C14orf180: variants seen among roughly 807,000 people sequenced by gnomAD.
C14orf180 encodes chromosome 14 open reading frame 180.
Under a neutral mutation model 13.9 loss-of-function variants are expected in C14orf180, and 13 were observed. The ratio of observed to expected loss-of-function variants is 0.94; its 90% confidence interval spans 0.61 to 1.49. The LOEUF (loss-of-function observed/expected upper bound fraction) is 1.49. Among genes scored for constraint, C14orf180 ranks in the 40% most tolerant of loss-of-function variants. C14orf180 has a pLI of 0.00. For missense variants in C14orf180, 238 were observed against 232.0 expected (o/e 1.03, Z -0.17); for synonymous variants, 113 against 106.3 (o/e 1.06, Z -0.39).
At position 104,588,713 on chromosome 14, in the gene C14orf180, G is replaced by T. The variant is rs367860749; in HGVS notation, c.413G>T (p.Arg138Leu). ...ACGGCACTGGAGGACCTGCGGGCCC[G>T]GCTCCTCGGCCTTGTCCTGCACCTG... ...VATALEDLRA[R>L]LLGLVLHLRH... The change falls in exon 5 of 5, where the codon CGG becomes CTG. Residue 138 changes from arginine to leucine, a missense_variant. By Grantham distance (102) the Arg-to-Leu change is moderately radical (BLOSUM62 -2). Transcript: ENST00000557649. The T allele has an allele frequency of 4.2e-4, 646 of 1,535,636 alleles. 4 individuals are homozygous for T. In the South Asian group the frequency reaches 7.1e-3, roughly 17 times the overall value.
At chr14:104,584,951 G>T (rs1317959079) in intron 1 of C14orf180, among the ~76,000 whole-genome samples, 4 of 152,152 alleles carry the variant, frequency 2.6e-5, no homozygotes, top group Non-Finnish European at 5.9e-5. Flanking sequence ...AGTCACTGCA[G>T]TATCCACCCA....
chr14:104,586,541 G>T lies in C14orf180; in HGVS notation c.111G>T (p.Arg37Ser). Residue 37 changes from arginine (R) to serine (S), a missense_variant and splice_region_variant, in exon 2 of 5, where the codon AGG becomes AGT. Physicochemically the swap from Arg to Ser is moderately radical, Grantham distance 110 (BLOSUM62 -1). Coordinates refer to ENST00000557649, the MANE Select transcript of C14orf180 (RefSeq NM_001008404.3). Reference protein sequence around the residue: ...AWGPRVCRAEREDNRKCPPSI... With the variant: ...AWGPRVCRAESEDNRKCPPSI... ...GCCCGCGGGTGTGCAGGGCAGAGAGGGTAAGGCGGGCCGCTGGGACACAGC... is the reference window on the plus strand; with the variant it reads ...GCCCGCGGGTGTGCAGGGCAGAGAGTGTAAGGCGGGCCGCTGGGACACAGC... 6.6e-7 allele frequency: 1 copy of T among 1,521,820 alleles called. No homozygotes were observed. The highest frequency in any genetic ancestry group is 1.2e-5 in the South Asian group (1 of 80,346). 94.3% of individuals were successfully genotyped at this position (1,521,820 alleles called of 1,614,324 possible). A position where few individuals can be genotyped will look rare whatever the true frequency, so the allele number is the denominator to read the frequency against.
chr14:104,582,716 C>T (rs577766938), intron 1 of C14orf180, among the ~76,000 whole-genome samples: 6 of 152,346 alleles, frequency 3.9e-5, no homozygotes, highest in South Asian at 4.1e-4. Flanking sequence ...CCAAGGGAGG[C>T]GCCATGGGGT....
rs962955672 is a variant in C14orf180 at position 104,588,862 on chromosome 14, G to C, written c.*79G>C. ...GGGCTCCGAGACAGCCTGAGCCCTGGCCCTGCTGCTTGGTGAATCATGGGG... is the reference window on the plus strand; with the variant it reads ...GGGCTCCGAGACAGCCTGAGCCCTGCCCCTGCTGCTTGGTGAATCATGGGG... On this transcript the variant is annotated 3_prime_UTR_variant, in exon 5 of 5. Coordinates refer to ENST00000557649, the MANE Select transcript of C14orf180 (RefSeq NM_001008404.3). The C allele has an allele frequency of 8.0e-6, 12 of 1,499,698 alleles. No individual in the cohort carries two copies. The highest frequency in any genetic ancestry group is 9.8e-6 in the Non-Finnish European group (11 of 1,125,104). 92.9% of individuals were successfully genotyped at this position (1,499,698 alleles called of 1,614,324 possible). A position where few individuals can be genotyped will look rare whatever the true frequency, so the allele number is the denominator to read the frequency against.
chr14:104,588,640 C>A lies in C14orf180; in HGVS notation c.340C>A (p.Leu114Ile). The change falls in exon 5 of 5, where the codon CTC becomes ATC. Residue 114 changes from leucine (L) to isoleucine (I), a missense_variant. Physicochemically the swap from Leu to Ile is conservative, Grantham distance 5. Coordinates refer to ENST00000557649, the MANE Select transcript of C14orf180 (RefSeq NM_001008404.3). Reference protein sequence around the residue: ...LLLQLCVCVLLVLALGLYCGR... With the variant: ...LLLQLCVCVLIVLALGLYCGR... ...CCTGCAGCTGTGTGTGTGCGTCCTG[C>A]TCGTGCTGGCCCTGGGCCTATACTG... 2 of 1,521,122 alleles carry A rather than the reference C, an allele frequency of 1.3e-6. No individual in the cohort carries two copies. Among genetic ancestry groups the A allele is most frequent in the Non-Finnish European group, 1.8e-6 (2 of 1,137,450 alleles). 94.2% of individuals were successfully genotyped at this position (1,521,122 alleles called of 1,614,324 possible). A position where few individuals can be genotyped will look rare whatever the true frequency, so the allele number is the denominator to read the frequency against.
In C14orf180 at chr14:104,586,528, G is replaced by A. The variant is rs540212642; in HGVS notation, c.98G>A (p.Cys33Tyr). The A allele has an allele frequency of 4.9e-5, 76 of 1,542,102 alleles. 1 individual carries two copies. In the South Asian group the frequency reaches 7.3e-4, roughly 15 times the overall value. Residue 33 changes from cysteine to tyrosine, a missense_variant, in exon 2 of 5, where the codon TGC becomes TAC. By Grantham distance (194) the Cys-to-Tyr change is radical. Transcript: ENST00000557649. ...GAGGCCGCGTGGGGCCCGCGGGTGT[G>A]CAGGGCAGAGAGGGTAAGGCGGGCC... ...NEEAAWGPRV[C>Y]RAEREDNRKC...
chr14:104,587,229 G>A (rs1049248541), intron 2 of C14orf180, among the ~76,000 whole-genome samples: 1 of 152,206 alleles, frequency 6.6e-6, no homozygotes, highest in Non-Finnish European at 1.5e-5. Context: ...CAGACCAGCA[G>A]AGAAAGGGCC....
chr14:104,587,970 G>A (rs1490893351), intron 3 of C14orf180, 92 bp downstream of exon 3: 20 of 1,453,090 alleles, frequency 1.4e-5, no homozygotes, highest in Non-Finnish European at 1.8e-5. Context: ...GCTCTGGCAG[G>A]GCCCAGGACA....
In C14orf180 at chr14:104,588,310, G is replaced by T; in HGVS notation, c.277+1G>T. The T allele has an allele frequency of 6.2e-7, 1 of 1,613,968 alleles. No individual in the cohort carries two copies. ...AAGAACGCCACAGCCACTGTCAGGG[G>T]TGAGTTCTGAGCCCACATCCCTGTG... On this transcript the variant is annotated splice_donor_variant, in intron 4 of 4. Coordinates refer to ENST00000557649, the MANE Select transcript of C14orf180 (RefSeq NM_001008404.3). LOFTEE classifies it high-confidence loss of function.
intron 1 of C14orf180, among the ~76,000 whole-genome samples, chr14:104,582,022 C>CAGTG (rs1886455037): frequency 1.3e-5 from 2 of 151,986 alleles, no homozygotes; most frequent in African/African-American, 4.8e-5. Context: ...CGAGGAAGGA[C>CAGTG]CTCCCATGTG....
Position 104,589,217 on chromosome 14 carries a change from C to T in C14orf180, c.*434C>T. The T allele has an allele frequency of 3.4e-6, 1 of 295,582 alleles. No homozygotes were observed. The highest frequency in any genetic ancestry group is 5.7e-5 in the East Asian group (1 of 17,572). The allele number at this position is 295,582 out of a possible 1,614,324, so 18.3% of individuals were successfully genotyped here. ...GGCTGCTCGGAGGAGGCAAACCCAG[C>T]CTTTTGCGATTATGGCTTGTGGGGA... On this transcript the variant is annotated 3_prime_UTR_variant, in exon 5 of 5. Coordinates refer to ENST00000557649, the MANE Select transcript of C14orf180 (RefSeq NM_001008404.3). This position sits in a 1 kb window ranked among gnomAD's most constrained non-coding sequence, Gnocchi z 4.9.
intron 1 of C14orf180, among the ~76,000 whole-genome samples, chr14:104,584,882 TG>T (rs1566735514): frequency 6.6e-6 from 1 of 152,210 alleles, no homozygotes; most frequent in Non-Finnish European, 1.5e-5. Flanking sequence ...TATGCCCACT[TG>T]GGGAGGTGGT....
chr14:104,587,737 C>T lies in C14orf180; in HGVS notation c.112-12C>T, dbSNP rs1886676937. ...CGGGGACTCACCAGTCTGCTTCCCG[C>T]CCCCACACCAGGAGGACAACAGGAA... On this transcript the variant is annotated splice_polypyrimidine_tract_variant and intron_variant, in intron 2 of 4. Coordinates refer to ENST00000557649, the MANE Select transcript of C14orf180 (RefSeq NM_001008404.3). The T allele has an allele frequency of 6.2e-7, 1 of 1,610,910 alleles. No homozygotes were observed. Among genetic ancestry groups the T allele is most frequent in the Non-Finnish European group, 8.5e-7 (1 of 1,178,726 alleles).
At chr14:104,582,340 C>T (rs1356901967) in intron 1 of C14orf180, among the ~76,000 whole-genome samples, 1 of 152,038 alleles carries the variant, frequency 6.6e-6, no homozygotes, top group Non-Finnish European at 1.5e-5. Context: ...AGGCTGGTCT[C>T]GAGGGGGAGG....
At position 104,583,505 on chromosome 14, in the gene C14orf180, T is replaced by A. The variant is rs558179887; in HGVS notation, c.-16-2910T>A. Among the ~76,000 whole-genome samples the A allele has an allele frequency of 3.3e-5, 5 of 152,190 alleles. No individual in the cohort carries two copies. In the East Asian group the frequency reaches 9.7e-4, roughly 29 times the overall value. ...AGGCTGCTGCTCTCCTCACCCCCAT[T>A]TCACAGCTGAGCAGACCAACGCCCA... On this transcript the variant is annotated intron_variant, in intron 1 of 4. Transcript: ENST00000557649.
intron 1 of C14orf180, among the ~76,000 whole-genome samples, 179 bp from the exon 2 acceptor site, chr14:104,586,236 G>T (rs1886611866): frequency 6.6e-6 from 1 of 152,184 alleles, no homozygotes; most frequent in Non-Finnish European, 1.5e-5. Context: ...GCAGGGAACA[G>T]GATTTACCTG....
intron 1 of C14orf180, among the ~76,000 whole-genome samples, chr14:104,580,399 G>T (rs1315413379): frequency 1.3e-5 from 2 of 152,310 alleles, no homozygotes; most frequent in East Asian, 3.9e-4. Context: ...ACTTAGCAGC[G>T]GGGGTGCTCC....
Position 104,586,249 on chromosome 14 carries a change from C to A in C14orf180, c.-16-166C>A, listed in dbSNP as rs146240896. The stretch of plus-strand genomic sequence containing the variant: ...GAGCAGGGAACAGGATTTACCTGCA[C>A]TGGGGACACCACAGAGGAAAAGTGG... On this transcript the variant is annotated intron_variant, in intron 1 of 4. Coordinates refer to ENST00000557649, the MANE Select transcript of C14orf180 (RefSeq NM_001008404.3). Among the ~76,000 whole-genome samples, 262 of 152,326 alleles carry A rather than the reference C, an allele frequency of 1.7e-3. 4 individuals carry two copies. In the East Asian group the frequency reaches 0.043, roughly 25 times the overall value.
chr14:104,580,758 C>T (rs1262868429), intron 1 of C14orf180, among the ~76,000 whole-genome samples: 2 of 152,220 alleles, frequency 1.3e-5, no homozygotes, highest in Non-Finnish European at 2.9e-5. Flanking sequence ...TTCTTGGGCA[C>T]TACTGAGCTT....
Sources: gnomAD v4.1 joint callset for allele counts (sites outside exome capture counted in the v4.1 genomes callset) on GRCh38, gnomAD v4.1.1 for gene constraint, Gnocchi (gnomAD v3.1) non-coding constraint, MANE v1.5 for transcripts, NCBI Gene and HGNC (gene_info 2026-07-23, HGNC 2026-07-21) for gene names.